Variants in ST3GAL4 observed in about 807,000 individuals in gnomAD.
The protein encoded by ST3GAL4 is CMP-N-acetylneuraminate-beta-galactosamide-alpha-2,3-sialyltransferase 4.
In ST3GAL4, 24 loss-of-function variants were observed where a neutral mutation model predicts 42.6. That is an observed-to-expected ratio of 0.56 (90% confidence interval 0.41 to 0.79). The LOEUF (loss-of-function observed/expected upper bound fraction) is 0.79. Ranked by LOEUF, ST3GAL4 falls within the 30% of genes least tolerant of loss-of-function variation. The pLI, the probability that ST3GAL4 is intolerant of heterozygous loss-of-function variation, is 0.00. For missense variants in ST3GAL4, 311 were observed against 430.8 expected (o/e 0.72, Z 2.46); for synonymous variants, 135 against 163.2 (o/e 0.83, Z 1.32).
intron 9 of ST3GAL4, 137 bp from the exon 10 acceptor site, chr11:126,413,368 C>T (rs1392608728): frequency 1.9e-6 from 2 of 1,078,214 alleles, no homozygotes; most frequent in Non-Finnish European, 2.6e-6. Flanking sequence ...TGCTCGTTAG[C>T]TCGTGGCTTG....
In ST3GAL4 at chr11:126,392,828, C is replaced by G. The variant is rs866043966; in HGVS notation, c.-60-13268C>G. Among the ~76,000 whole-genome samples, 13 of 152,134 alleles carry G rather than the reference C, an allele frequency of 8.5e-5. No homozygotes were observed. The highest frequency in any genetic ancestry group is 2.7e-4 in the African/African-American group (11 of 41,420). The stretch of plus-strand genomic sequence containing the variant: ...GGGGGAGTGAGGAAGCTTCTCTGGA[C>G]TGGGTGGTCTGAACCCCATGCAGGG... On this transcript the variant is annotated intron_variant, in intron 1 of 10. Coordinates refer to ENST00000444328, the MANE Select transcript of ST3GAL4 (RefSeq NM_001254757.2). The surrounding 1 kb of genome is among the most constrained non-coding windows in gnomAD (Gnocchi z 5.8).
rs1021253480 is a variant in ST3GAL4 at position 126,378,308 on chromosome 11, A to G, written c.-61+22466A>G. ...TATTCTCCGTCACATCTGCGTCTGC[A>G]CAGCGCCACGTTGAATGGTTATGGT... On this transcript the variant is annotated intron_variant, in intron 1 of 10. Transcript: ENST00000444328. This position sits in a 1 kb window ranked among gnomAD's most constrained non-coding sequence, Gnocchi z 5.3. Among the ~76,000 whole-genome samples the G allele has an allele frequency of 2.0e-5, 3 of 152,222 alleles. No individual in the cohort carries two copies. Among genetic ancestry groups the G allele is most frequent in the Non-Finnish European group, 4.4e-5 (3 of 68,036 alleles).
At chr11:126,399,076 T>C (rs1237690206) in intron 1 of ST3GAL4, among the ~76,000 whole-genome samples, 1 of 152,218 alleles carries the variant, frequency 6.6e-6, no homozygotes, top group Non-Finnish European at 1.5e-5. Flanking sequence ...TTCATTCTTA[T>C]TGTACTAATC....
At chr11:126,371,776 C>T (rs550262641) in intron 1 of ST3GAL4, among the ~76,000 whole-genome samples, 8 of 152,198 alleles carry the variant, frequency 5.3e-5, no homozygotes, top group Non-Finnish European at 1.0e-4. Context: ...GAGGGTTACT[C>T]GGGGCTGTGC....
At chr11:126,362,421 G>A (rs1952275368) in intron 1 of ST3GAL4, among the ~76,000 whole-genome samples, 1 of 151,918 alleles carries the variant, frequency 6.6e-6, no homozygotes, top group Admixed American at 6.6e-5. Context: ...AGCTGGTCTC[G>A]AACTCCTGAC....
Position 126,406,849 on chromosome 11 carries a change from G to A in ST3GAL4, c.102-94G>A. The stretch of plus-strand genomic sequence containing the variant: ...AGATGATTCCTCCCCGGCACCTTGG[G>A]ACCTTCATGCCGTGGGAGAAGGCTT... On this transcript the variant is annotated intron_variant, in intron 3 of 10. Coordinates refer to ENST00000444328, the MANE Select transcript of ST3GAL4 (RefSeq NM_001254757.2). The surrounding 1 kb of genome is among the most constrained non-coding windows in gnomAD (Gnocchi z 5.4). 8.4e-7 allele frequency: 1 copy of A among 1,190,526 alleles called. No homozygotes were observed. The highest frequency in any genetic ancestry group is 1.2e-6 in the Non-Finnish European group (1 of 810,300). The allele number at this position is 1,190,526 out of a possible 1,614,324, so 73.7% of individuals were successfully genotyped here.
Position 126,373,036 on chromosome 11 carries a change from A to C in ST3GAL4, c.-61+17194A>C, listed in dbSNP as rs1952713697. Among the ~76,000 whole-genome samples, 1 of 152,180 alleles carries C rather than the reference A, an allele frequency of 6.6e-6. No individual in the cohort carries two copies. Among genetic ancestry groups the C allele is most frequent in the South Asian group, 2.1e-4 (1 of 4,824 alleles). On this transcript the variant is annotated intron_variant, in intron 1 of 10. Coordinates refer to ENST00000444328, the MANE Select transcript of ST3GAL4 (RefSeq NM_001254757.2). This position sits in a 1 kb window ranked among gnomAD's most constrained non-coding sequence, Gnocchi z 5.5. ...TGTTTCGTGGGAATACTGATATTAT[A>C]TATTCAAGTATTTGTTGATTACATG... is the stretch of plus-strand genomic sequence containing the variant.
In ST3GAL4 at chr11:126,392,653, T is replaced by C. The variant is rs887570749; in HGVS notation, c.-60-13443T>C. ...TTAAATATTTGTCAGTTATCTACCATGTGTCAGGCATTAAATTTAGTGCTG... is the reference window on the plus strand; with the variant it reads ...TTAAATATTTGTCAGTTATCTACCACGTGTCAGGCATTAAATTTAGTGCTG... On this transcript the variant is annotated intron_variant, in intron 1 of 10. Coordinates refer to ENST00000444328, the MANE Select transcript of ST3GAL4 (RefSeq NM_001254757.2). The surrounding 1 kb of genome is among the most constrained non-coding windows in gnomAD (Gnocchi z 5.8). 3.9e-5 allele frequency among the ~76,000 whole-genome samples: 6 copies of C among 152,222 alleles called. No individual in the cohort carries two copies. Among genetic ancestry groups the C allele is most frequent in the Non-Finnish European group, 8.8e-5 (6 of 68,038 alleles).
rs567464836 is a variant in ST3GAL4, at chr11:126,401,315, C to T, written c.-60-4781C>T. Among the ~76,000 whole-genome samples the T allele has an allele frequency of 3.3e-5, 5 of 151,376 alleles. No homozygotes were observed. In the South Asian group the frequency reaches 8.4e-4, roughly 25 times the overall value. Reference sequence around the variant, plus strand: ...ACCCTCGGTGGCTCACGCCTGTAATCCCAGCACTTTGGGAGGCTGAGGTGG... The same window carrying T: ...ACCCTCGGTGGCTCACGCCTGTAATTCCAGCACTTTGGGAGGCTGAGGTGG... On this transcript the variant is annotated intron_variant, in intron 1 of 10. Coordinates refer to ENST00000444328, the MANE Select transcript of ST3GAL4 (RefSeq NM_001254757.2).
intron 1 of ST3GAL4, among the ~76,000 whole-genome samples, chr11:126,385,189 C>T (rs1287587096): frequency 6.6e-6 from 1 of 151,370 alleles, no homozygotes; most frequent in Non-Finnish European, 1.5e-5. Flanking sequence ...TGGAGTCTTG[C>T]TCTGTTGCCC....
At chr11:126,361,272 T>G (rs913884489) in intron 1 of ST3GAL4, among the ~76,000 whole-genome samples, 1 of 152,042 alleles carries the variant, frequency 6.6e-6, no homozygotes, top group Non-Finnish European at 1.5e-5. Context: ...CACATTTGCC[T>G]CCTCCTGAAC....
rs192707244 is a variant in ST3GAL4 at position 126,409,011 on chromosome 11, T to C, written c.628-257T>C. ...CCTGTGTGGATGTTCTTGGAAGTGG[T>C]CCATGGTTTAGACCCTCCACTCTAT... On this transcript the variant is annotated intron_variant, in intron 8 of 10. Coordinates refer to ENST00000444328, the MANE Select transcript of ST3GAL4 (RefSeq NM_001254757.2). The surrounding 1 kb of genome is among the most constrained non-coding windows in gnomAD (Gnocchi z 4.9). 6.7e-4 allele frequency among the ~76,000 whole-genome samples: 102 copies of C among 152,310 alleles called. No homozygotes were observed. Among genetic ancestry groups the C allele is most frequent in the Admixed American group, 1.9e-3 (29 of 15,288 alleles).
At position 126,386,095 on chromosome 11, in the gene ST3GAL4, C is replaced by G. The variant is rs1324713293; in HGVS notation, c.-60-20001C>G. ...TCAGTCTGGAACCTTCTCTTGCCTA[C>G]CCCATCTTCCCATGGCTGCCCTTCA... On this transcript the variant is annotated intron_variant, in intron 1 of 10. Transcript: ENST00000444328. The surrounding 1 kb of genome is among the most constrained non-coding windows in gnomAD (Gnocchi z 4.7). Among the ~76,000 whole-genome samples the G allele has an allele frequency of 6.6e-6, 1 of 152,210 alleles. No individual in the cohort carries two copies.
chr11:126,356,692 C>T (rs1177213495), intron 1 of ST3GAL4, among the ~76,000 whole-genome samples: 1 of 152,232 alleles, frequency 6.6e-6, no homozygotes, highest in Non-Finnish European at 1.5e-5. Context: ...CCCAGCTGTG[C>T]CCTGTCTGAC....
intron 9 of ST3GAL4, among the ~76,000 whole-genome samples, chr11:126,412,162 G>A (rs1035418546): frequency 6.6e-6 from 1 of 152,132 alleles, no homozygotes; most frequent in Non-Finnish European, 1.5e-5. Flanking sequence ...GGAGGAATTT[G>A]GTGAGTGTAA....
At chr11:126,402,136 G>C (rs928610185) in intron 1 of ST3GAL4, among the ~76,000 whole-genome samples, 8 of 151,632 alleles carry the variant, frequency 5.3e-5, no homozygotes, top group African/African-American at 1.9e-4. Context: ...AGGCAGACAG[G>C]GGCTCCAGGT....
intron 1 of ST3GAL4, among the ~76,000 whole-genome samples, chr11:126,377,460 C>G (rs562129656): frequency 5.5e-5 from 8 of 146,260 alleles, no homozygotes; most frequent in Non-Finnish European, 1.0e-4. Context: ...TGTGAGCCAC[C>G]GTGCCTGGCC....
rs1369368168 is a variant in ST3GAL4, at chr11:126,410,794, G to A, written c.771+1383G>A. 1.3e-5 allele frequency among the ~76,000 whole-genome samples: 2 copies of A among 152,128 alleles called. No individual in the cohort carries two copies. Among genetic ancestry groups the A allele is most frequent in the East Asian group, 1.9e-4 (1 of 5,176 alleles). On this transcript the variant is annotated intron_variant, in intron 9 of 10. Coordinates refer to ENST00000444328, the MANE Select transcript of ST3GAL4 (RefSeq NM_001254757.2). The surrounding 1 kb of genome is among the most constrained non-coding windows in gnomAD (Gnocchi z 5.3). ...AAGAATGCAGGTTGCACTGTGGGGT[G>A]ATAAAATTCCACAATGGAGAGTTGT...
At position 126,379,846 on chromosome 11, in the gene ST3GAL4, G is replaced by T. The variant is rs1952934405; in HGVS notation, c.-61+24004G>T. Among the ~76,000 whole-genome samples, 1 of 152,164 alleles carries T rather than the reference G, an allele frequency of 6.6e-6. No homozygotes were observed. Among genetic ancestry groups the T allele is most frequent in the African/African-American group, 2.4e-5 (1 of 41,440 alleles). On this transcript the variant is annotated intron_variant, in intron 1 of 10. Transcript: ENST00000444328. This position sits in a 1 kb window ranked among gnomAD's most constrained non-coding sequence, Gnocchi z 4.2. ...AACTCTAAGAGAGCTCTCATTAGCT[G>T]TGAAACATGTACCCAAGGTTCAAGA...
Sources: gnomAD v4.1 joint callset for allele counts (sites outside exome capture counted in the v4.1 genomes callset) on GRCh38, gnomAD v4.1.1 for gene constraint, Gnocchi (gnomAD v3.1) non-coding constraint, MANE v1.5 for transcripts, NCBI Gene and HGNC (gene_info 2026-07-23, HGNC 2026-07-21) for gene names.